GIPC2: variants seen among roughly 807,000 people sequenced by gnomAD.
GIPC2 encodes PDZ domain-containing protein GIPC2.
Under a neutral mutation model 30.6 loss-of-function variants are expected in GIPC2, and 30 were observed. That is an observed-to-expected ratio of 0.98 (90% CI 0.73 to 1.33). The LOEUF (loss-of-function observed/expected upper bound fraction) is 1.33. GIPC2 is among the 40% of genes most tolerant of loss of function. The pLI, the probability that GIPC2 is intolerant of heterozygous loss-of-function variation, is 0.00. For missense variants in GIPC2, 414 were observed against 390.3 expected (o/e 1.06, Z -0.51); for synonymous variants, 167 against 150.0 (o/e 1.11, Z -0.83).
At chr1:78,079,883 C>A in intron 1 of GIPC2, among the ~76,000 whole-genome samples, 1 of 152,078 alleles carries the variant, frequency 6.6e-6, no homozygotes, top group East Asian at 1.9e-4. Context: ...TAAAAAGCCC[C>A]TTTGAAATCT....
At chr1:78,127,908 A>G (rs1183258367) in intron 5 of GIPC2, among the ~76,000 whole-genome samples, 1 of 151,946 alleles carries the variant, frequency 6.6e-6, no homozygotes, top group Non-Finnish European at 1.5e-5. Context: ...GGGTCTTGCT[A>G]TGTTGCTCAG....
At chr1:78,133,978 A>G (rs1662953220) in intron 5 of GIPC2, among the ~76,000 whole-genome samples, 1 of 152,148 alleles carries the variant, frequency 6.6e-6, no homozygotes, top group East Asian at 1.9e-4. Context: ...GGTACAAGAT[A>G]GTCTTGGTTC....
At chr1:78,119,567 T>C in intron 4 of GIPC2, 68 bp downstream of exon 4, 1 of 952,306 alleles carries the variant, frequency 1.1e-6, no homozygotes, top group Non-Finnish European at 1.7e-6. Context: ...CCATTCATTC[T>C]AACCAAAACT....
chr1:78,060,733 C>A (rs1239529359), intron 1 of GIPC2, among the ~76,000 whole-genome samples: 1 of 151,722 alleles, frequency 6.6e-6, no homozygotes, highest in African/African-American at 2.4e-5. Context: ...TGGTAAACAT[C>A]CAAAAGATGT....
chr1:78,122,915 AG>A (rs1662710792), intron 4 of GIPC2, among the ~76,000 whole-genome samples: 1 of 152,156 alleles, frequency 6.6e-6, no homozygotes, highest in Non-Finnish European at 1.5e-5. Flanking sequence ...CAGGATACAC[AG>A]TGTCACAAAG....
intron 3 of GIPC2, among the ~76,000 whole-genome samples, chr1:78,105,277 T>A (rs1476961633): frequency 2.6e-5 from 4 of 151,944 alleles, no homozygotes; most frequent in African/African-American, 9.7e-5. Context: ...GATTGATGTC[T>A]TGTAACTGTA....
At chr1:78,061,400 TG>T (rs1661389128) in intron 1 of GIPC2, among the ~76,000 whole-genome samples, 1 of 152,012 alleles carries the variant, frequency 6.6e-6, no homozygotes, top group Admixed American at 6.6e-5. Flanking sequence ...CTGTTTGGGG[TG>T]TGTGGAGTAT....
intron 1 of GIPC2, among the ~76,000 whole-genome samples, chr1:78,077,645 A>G (rs1378229266): frequency 6.6e-6 from 1 of 152,078 alleles, no homozygotes; most frequent in African/African-American, 2.4e-5. Context: ...TCCGTCAGAG[A>G]GTGTTATATT....
rs989479133 is a variant in GIPC2 at position 78,080,932 on chromosome 1, G to A, written c.426+72G>A. On this transcript the variant is annotated intron_variant, in intron 2 of 5. Transcript: ENST00000370759. The stretch of plus-strand genomic sequence containing the variant: ...AAGAAAATCTACCAGGCCAAAGAAA[G>A]TTAGAAATGATCTTCAGAGTGAGAG... The A allele has an allele frequency of 1.4e-5, 12 of 841,498 alleles. No homozygotes were observed. The Admixed American group carries it at 3.6e-4, about 25-fold the overall frequency. 52.1% of individuals were successfully genotyped at this position (841,498 alleles called of 1,614,324 possible).
chr1:78,045,191 A>G, upstream of GIPC2: 1 of 454,590 alleles, frequency 2.2e-6, no homozygotes, highest in Non-Finnish European at 2.9e-6. Context: ...AAATTTCAGT[A>G]GTGTGGGGGC....
chr1:78,054,768 C>T (rs999600526), intron 1 of GIPC2, among the ~76,000 whole-genome samples: 3 of 152,118 alleles, frequency 2.0e-5, no homozygotes, highest in Non-Finnish European at 4.4e-5. Flanking sequence ...GCCTTATAGA[C>T]CTCATTGCTG....
intron 1 of GIPC2, among the ~76,000 whole-genome samples, chr1:78,058,498 T>G (rs1382637639): frequency 6.6e-6 from 1 of 152,152 alleles, no homozygotes; most frequent in Non-Finnish European, 1.5e-5. Flanking sequence ...GCTGGGAACT[T>G]AAAGGTGAAG....
chr1:78,109,908 A>G (rs1662429986), intron 3 of GIPC2, among the ~76,000 whole-genome samples: 1 of 152,178 alleles, frequency 6.6e-6, no homozygotes, highest in African/African-American at 2.4e-5. Context: ...GAAGCTAGAA[A>G]CCATCATTCT....
intron 5 of GIPC2, among the ~76,000 whole-genome samples, chr1:78,127,605 T>C (rs584868): frequency 0.25 from 38,374 of 152,174 alleles, 5,365 homozygotes; most frequent in East Asian, 0.67. Context: ...AGGCCTAGTA[T>C]AGGAGCTCAG....
chr1:78,109,873 TC>T, intron 3 of GIPC2, among the ~76,000 whole-genome samples: 1 of 152,314 alleles, frequency 6.6e-6, no homozygotes. Context: ...AATGATGAGT[TC>T]ATGTCCTTTG....
intron 1 of GIPC2, among the ~76,000 whole-genome samples, chr1:78,064,039 A>C (rs941417886): frequency 6.6e-6 from 1 of 152,236 alleles, no homozygotes; most frequent in South Asian, 2.1e-4. Flanking sequence ...GAGCAGACTG[A>C]TATAAATGTT....
At chr1:78,060,184 T>TC (rs1661366506) in intron 1 of GIPC2, among the ~76,000 whole-genome samples, 1 of 141,696 alleles carries the variant, frequency 7.1e-6, no homozygotes, top group African/African-American at 2.7e-5. Context: ...TTCATCTCTC[T>TC]TTTTTTTTTT....
chr1:78,084,539 G>A (rs555429295), intron 2 of GIPC2, among the ~76,000 whole-genome samples: 2 of 150,286 alleles, frequency 1.3e-5, no homozygotes, highest in Non-Finnish European at 3.0e-5. Context: ...TTACGAACTC[G>A]TAACGATGCT....
intron 3 of GIPC2, among the ~76,000 whole-genome samples, chr1:78,097,964 AC>A (rs1228431178): frequency 6.6e-6 from 1 of 152,242 alleles, no homozygotes; most frequent in Non-Finnish European, 1.5e-5. Context: ...TGATACACCT[AC>A]CAAAATCACA....
Sources: allele counts gnomAD v4.1 joint callset (sites outside exome capture counted in the v4.1 genomes callset), GRCh38; gene constraint gnomAD v4.1.1; transcripts MANE v1.5; gene names NCBI Gene and HGNC (gene_info 2026-07-23, HGNC 2026-07-21).